KITLG: variants seen among roughly 807,000 people sequenced by gnomAD.
KITLG encodes the protein c-Kit ligand.
Under a neutral mutation model 34.1 loss-of-function variants are expected in KITLG, and 13 were observed. The observed-to-expected ratio is 0.38, with a 90% CI of 0.25 to 0.61. KITLG has a LOEUF of 0.61. KITLG is among the 20% of genes least tolerant of loss of function. The probability of loss-of-function intolerance (pLI) is 0.60; values close to 1 mark genes in which losing one functional copy is unlikely to be tolerated. For missense variants in KITLG, 292 were observed against 318.9 expected (o/e 0.92, Z 0.64); for synonymous variants, 110 against 104.0 (o/e 1.06, Z -0.35).
At chr12:88,560,511 C>A (rs1299620340) in intron 1 of KITLG, among the ~76,000 whole-genome samples, 4 of 152,058 alleles carry the variant, frequency 2.6e-5, no homozygotes, top group Non-Finnish European at 5.9e-5. Context: ...GTGAAACTGC[C>A]CCCTGAGCTT....
At chr12:88,537,898 A>T (rs1870386666) in intron 2 of KITLG, among the ~76,000 whole-genome samples, 1 of 152,112 alleles carries the variant, frequency 6.6e-6, no homozygotes, top group African/African-American at 2.4e-5. Context: ...TAATGTATGG[A>T]TTAATAGCAC....
intron 2 of KITLG, among the ~76,000 whole-genome samples, chr12:88,538,223 C>A (rs1870398090): frequency 6.6e-6 from 1 of 151,764 alleles, no homozygotes; most frequent in Non-Finnish European, 1.5e-5. Flanking sequence ...TTAGGGAGAC[C>A]AGTTAAGAGA....
At chr12:88,531,585 T>C (rs1870093018) in intron 3 of KITLG, among the ~76,000 whole-genome samples, 1 of 152,088 alleles carries the variant, frequency 6.6e-6, no homozygotes, top group Non-Finnish European at 1.5e-5. Flanking sequence ...GTACTTATAA[T>C]AGTAAACACA....
intron 3 of KITLG, among the ~76,000 whole-genome samples, chr12:88,523,298 A>G (rs980814086): frequency 6.6e-6 from 1 of 152,208 alleles, no homozygotes; most frequent in African/African-American, 2.4e-5. Flanking sequence ...CAAGGCTTAG[A>G]GTAGTGAAGT....
intron 1 of KITLG, among the ~76,000 whole-genome samples, chr12:88,566,403 A>G (rs1262084270): frequency 6.6e-6 from 1 of 152,230 alleles, no homozygotes; most frequent in East Asian, 1.9e-4. Flanking sequence ...TTAGCTAGGT[A>G]AGTAAAAAAA....
chr12:88,547,260 C>T (rs1870751216), intron 1 of KITLG, among the ~76,000 whole-genome samples: 3 of 152,274 alleles, frequency 2.0e-5, no homozygotes, highest in African/African-American at 7.2e-5. Flanking sequence ...AGATATTATA[C>T]TAGAACAAAT....
intron 1 of KITLG, among the ~76,000 whole-genome samples, chr12:88,562,294 C>G (rs1871322179): frequency 6.6e-6 from 1 of 152,182 alleles, no homozygotes; most frequent in Non-Finnish European, 1.5e-5. Flanking sequence ...AGAATAAACC[C>G]AGGTACATAT....
chr12:88,549,435 C>T (rs1307407957), intron 1 of KITLG, among the ~76,000 whole-genome samples: 1 of 152,138 alleles, frequency 6.6e-6, no homozygotes, highest in East Asian at 1.9e-4. Flanking sequence ...TATAGTAATA[C>T]ATTGACTGAA....
chr12:88,578,774 CTCA>C (rs1274778044), intron 1 of KITLG, among the ~76,000 whole-genome samples: 1 of 152,192 alleles, frequency 6.6e-6, no homozygotes, highest in Admixed American at 6.5e-5. Context: ...TCCCCCAGAT[CTCA>C]CCACCATCCA....
chr12:88,529,769 T>G (rs1566024730), intron 3 of KITLG, among the ~76,000 whole-genome samples: 1 of 152,120 alleles, frequency 6.6e-6, no homozygotes, highest in Non-Finnish European at 1.5e-5. Context: ...ACTCCTCTGG[T>G]CTTCGCAGAA....
intron 3 of KITLG, 82 bp from the exon 4 acceptor site, chr12:88,518,949 G>T: frequency 8.0e-7 from 1 of 1,249,456 alleles, no homozygotes; most frequent in Non-Finnish European, 1.1e-6. Context: ...CAAAGCTATC[G>T]TTTTAGTTAC....
intron 2 of KITLG, among the ~76,000 whole-genome samples, chr12:88,543,927 T>C (rs182139087): frequency 1.8e-4 from 27 of 152,296 alleles, no homozygotes; most frequent in Admixed American, 2.0e-4. Context: ...ACAAGTTTAC[T>C]ATAACATTTT....
chr12:88,495,418 C>A lies in KITLG; in HGVS notation c.*1801G>T, dbSNP rs1011559247. On this transcript the variant is annotated 3_prime_UTR_variant, in exon 10 of 10. Coordinates refer to ENST00000644744, the MANE Select transcript of KITLG (RefSeq NM_000899.5). ...TTTAAATTGATCTCTGGTTTTATTA[C>A]TAATCAAGTGTACCATGTGATATCT... is the stretch of plus-strand genomic sequence containing the variant. 1 of 152,348 alleles carries A rather than the reference C, an allele frequency of 6.6e-6. No individual in the cohort carries two copies. The highest frequency in any genetic ancestry group is 2.4e-5 in the African/African-American group (1 of 41,412). The allele number at this position is 152,348 out of a possible 1,614,324, so 9.4% of individuals were successfully genotyped here. A position where few individuals can be genotyped will look rare whatever the true frequency, so the allele number is the denominator to read the frequency against.
At chr12:88,521,804 T>C (rs1405956579) in intron 3 of KITLG, among the ~76,000 whole-genome samples, 1 of 152,214 alleles carries the variant, frequency 6.6e-6, no homozygotes, top group African/African-American at 2.4e-5. Context: ...CTCAATTTCT[T>C]ACCTTCTTTC....
At chr12:88,579,885 A>C (rs939758237) in intron 1 of KITLG, among the ~76,000 whole-genome samples, 1 of 152,226 alleles carries the variant, frequency 6.6e-6, no homozygotes, top group Non-Finnish European at 1.5e-5. Context: ...CTGTTTCATA[A>C]TCTCCTGGAA....
At chr12:88,501,253 G>A (rs1279303785) in intron 9 of KITLG, among the ~76,000 whole-genome samples, 1 of 152,004 alleles carries the variant, frequency 6.6e-6, no homozygotes, top group Admixed American at 6.6e-5. Flanking sequence ...TCCAATATTT[G>A]TCTTGATTTA....
At chr12:88,531,690 A>C (rs777248140) in intron 3 of KITLG, among the ~76,000 whole-genome samples, 1 of 152,038 alleles carries the variant, frequency 6.6e-6, no homozygotes, top group East Asian at 1.9e-4. Flanking sequence ...GCTATGAAAA[A>C]GAATTTACAT....
intron 1 of KITLG, among the ~76,000 whole-genome samples, chr12:88,558,445 C>T (rs761388964): frequency 9.2e-5 from 14 of 152,090 alleles, no homozygotes; most frequent in South Asian, 4.1e-4. Flanking sequence ...GCTCAAAGAA[C>T]GTTCACAATC....
chr12:88,550,963 A>C (rs1340344138), intron 1 of KITLG, among the ~76,000 whole-genome samples: 1 of 152,148 alleles, frequency 6.6e-6, no homozygotes, highest in African/African-American at 2.4e-5. Flanking sequence ...GGGCAACATA[A>C]ATTTTTTTTG....
Sources: allele counts gnomAD v4.1 joint callset (sites outside exome capture counted in the v4.1 genomes callset), GRCh38; gene constraint gnomAD v4.1.1; transcripts MANE v1.5; gene names NCBI Gene and HGNC (gene_info 2026-07-23, HGNC 2026-07-21).